NLGN4X: variants seen among roughly 807,000 people sequenced by gnomAD.
NLGN4X encodes neuroligin 4 X-linked.
In NLGN4X, 3 loss-of-function variants were observed where a neutral mutation model predicts 40.3. The ratio of observed to expected loss-of-function variants is 0.07; its 90% CI spans 0.03 to 0.19. The LOEUF is 0.19. Among genes scored for constraint, NLGN4X ranks in the 10% least tolerant of loss-of-function variants. NLGN4X has a pLI of 1.00. For synonymous variants in NLGN4X, 270 were observed against 306.8 expected (o/e 0.88, Z 1.25); for missense variants, 382 against 708.3 (o/e 0.54, Z 5.23).
intron 1 of NLGN4X, among the ~76,000 whole-genome samples, chrX:6,202,036 G>A (rs1465946413): frequency 9.0e-6 from 1 of 111,317 alleles, no homozygotes; most frequent in East Asian, 2.8e-4. Context: ...TCAATTAATA[G>A]GCAGTGAAGG....
At chrX:6,131,604 T>TA (rs1258553361) in intron 2 of NLGN4X, among the ~76,000 whole-genome samples, 2 of 112,381 alleles carry the variant, frequency 1.8e-5, no homozygotes, top group Non-Finnish European at 3.8e-5. Flanking sequence ...CTTTGCTGCT[T>TA]AAAAATGTTC....
intron 2 of NLGN4X, among the ~76,000 whole-genome samples, chrX:6,035,153 T>C (rs997299963): frequency 8.9e-6 from 1 of 112,516 alleles, no homozygotes; most frequent in Non-Finnish European, 1.9e-5. Context: ...TATTGAATAG[T>C]AAGTGGTTTG....
chrX:5,898,663 C>T (rs1032184179), intron 5 of NLGN4X, among the ~76,000 whole-genome samples: 17 of 111,200 alleles, frequency 1.5e-4, no homozygotes, highest in African/African-American at 5.6e-4. Flanking sequence ...TCCACGGCAC[C>T]GTGTAGTGAC....
chrX:6,112,822 G>A (rs1453186742), intron 2 of NLGN4X, among the ~76,000 whole-genome samples: 3 of 110,330 alleles, frequency 2.7e-5, no homozygotes, highest in African/African-American at 9.9e-5. Context: ...TGTGTGTGCA[G>A]GAGGACGAAC....
At chrX:6,091,157 G>T (rs1239692866) in intron 2 of NLGN4X, among the ~76,000 whole-genome samples, 1 of 110,013 alleles carries the variant, frequency 9.1e-6, no homozygotes, top group Non-Finnish European at 1.9e-5. Flanking sequence ...AGGAAAACAG[G>T]CTGGCATGAC....
rs188269008 is a variant in NLGN4X at position 6,214,623 on chromosome X, C to T, written c.-306+13918G>A. On this transcript the variant is annotated intron_variant, in intron 1 of 5. Coordinates refer to ENST00000381095, the MANE Select transcript of NLGN4X (RefSeq NM_181332.3). The stretch of plus-strand genomic sequence containing the variant: ...TTTTGCAGAAAGATAGAGCCAAGTG[C>T]GGTGGCTCGCACCAGTAATCCCAGT... 3.6e-3 allele frequency among the ~76,000 whole-genome samples: 404 copies of T among 111,560 alleles called. 3 individuals carry two copies. The highest frequency in any genetic ancestry group is 0.012 in the African/African-American group (383 of 30,711).
At chrX:5,997,587 T>TATATATATACAC (rs1569177171) in intron 3 of NLGN4X, among the ~76,000 whole-genome samples, 2 of 41,419 alleles carry the variant, frequency 4.8e-5, no homozygotes, top group African/African-American at 2.9e-4. Flanking sequence ...TGTGTGTGTG[T>TATATATATACAC]ATATATATAT....
Position 5,893,291 on chromosome X carries a change from C to G in NLGN4X, c.1977G>C (p.Glu659Asp), listed in dbSNP as rs147713383. ...TGGTTTCAATGAGGACAGTTGTGTC[C>G]TCAGGCCCTGTTTTGTGAGGGTCCT... ...HSKDPHKTGP[E>D]DTTVLIETKR... Residue 659 changes from glutamate (E) to aspartate (D), a missense_variant, in exon 6 of 6, where the codon GAG (glutamate) becomes GAC (aspartate). Around this residue, in one of 5 missense-constraint regions of NLGN4X, gnomAD observed 149 missense variants for 375.8 expected, o/e 0.40. Transcript: ENST00000381095. 48 of 1,208,504 alleles carry G rather than the reference C, an allele frequency of 4.0e-5. No homozygotes were observed. The African/African-American group carries it at 6.7e-4, about 17-fold the overall frequency.
At chrX:6,205,099 T>A (rs1165592508) in intron 1 of NLGN4X, among the ~76,000 whole-genome samples, 1 of 111,895 alleles carries the variant, frequency 8.9e-6, no homozygotes, top group African/African-American at 3.3e-5. Flanking sequence ...CAACCATTTC[T>A]TTCAGTTATT....
At chrX:5,977,833 C>A (rs1004488482) in intron 3 of NLGN4X, among the ~76,000 whole-genome samples, 1 of 111,999 alleles carries the variant, frequency 8.9e-6, no homozygotes, top group Admixed American at 9.5e-5. Flanking sequence ...TTTTCCATGA[C>A]ATTCAACAGA....
intron 3 of NLGN4X, among the ~76,000 whole-genome samples, chrX:5,950,335 G>T (rs888119163): frequency 8.9e-6 from 1 of 112,003 alleles, no homozygotes; most frequent in Non-Finnish European, 1.9e-5. Context: ...TGTCTCTATT[G>T]TCTGCTGACT....
Position 6,223,613 on chromosome X carries a change from C to G in NLGN4X, c.-306+4928G>C, listed in dbSNP as rs138721890. On this transcript the variant is annotated intron_variant, in intron 1 of 5. Coordinates refer to ENST00000381095, the MANE Select transcript of NLGN4X (RefSeq NM_181332.3). Reference sequence around the variant, plus strand: ...GTTCACTTAACAAAGAACAGTGGAGCCTTTCAAAGTCCAAATGTAGGTTGT... The same window carrying G: ...GTTCACTTAACAAAGAACAGTGGAGGCTTTCAAAGTCCAAATGTAGGTTGT... Among the ~76,000 whole-genome samples, 1,057 of 112,033 alleles carry G rather than the reference C, an allele frequency of 9.4e-3. 4 individuals carry two copies. The highest frequency in any genetic ancestry group is 0.015 in the Non-Finnish European group (793 of 53,231).
At chrX:6,218,589 T>C (rs1366470553) in intron 1 of NLGN4X, among the ~76,000 whole-genome samples, 2 of 111,545 alleles carry the variant, frequency 1.8e-5, no homozygotes, top group Non-Finnish European at 3.8e-5. Context: ...GTATGGTTAA[T>C]ATAGGAAAGA....
intron 3 of NLGN4X, among the ~76,000 whole-genome samples, chrX:5,933,693 A>C (rs758353964): frequency 8.9e-6 from 1 of 111,828 alleles, no homozygotes; most frequent in Non-Finnish European, 1.9e-5. Context: ...CAAAATGTAC[A>C]GTTACGCTTA....
chrX:5,912,625 C>A (rs2032534249), intron 3 of NLGN4X, among the ~76,000 whole-genome samples: 1 of 109,829 alleles, frequency 9.1e-6, no homozygotes, highest in East Asian at 2.9e-4. Context: ...TGTGGGCTTA[C>A]TGATACAGAA....
chrX:6,076,737 T>C (rs1204131955), intron 2 of NLGN4X, among the ~76,000 whole-genome samples: 2 of 112,430 alleles, frequency 1.8e-5, no homozygotes, highest in East Asian at 2.8e-4. Flanking sequence ...ACATCTGGCA[T>C]GCTCAACCGC....
chrX:6,014,188 GAA>G (rs140452629), intron 3 of NLGN4X, among the ~76,000 whole-genome samples: 1 of 88,082 alleles, frequency 1.1e-5, no homozygotes. Flanking sequence ...CTCAGAGAGA[GAA>G]AAAAAAAAAA....
At position 5,903,295 on chromosome X, in the gene NLGN4X, C is replaced by T. The variant is rs763976516; in HGVS notation, c.1383G>A (p.Ala461=). 8.3e-6 allele frequency: 10 copies of T among 1,209,888 alleles called. No individual in the cohort carries two copies. The highest frequency in any genetic ancestry group is 7.0e-5 in the South Asian group (4 of 56,775). Residue 461 remains alanine (A), a synonymous_variant, in exon 5 of 6, where the codon GCG becomes GCA. Transcript: ENST00000381095. ...APAVATADLH[A]QYGSPTYFYA... ...AGAAGTAGGTGGGGGAGCCGTACTG[C>T]GCGTGCAGGTCGGCGGTGGCCACGG...
chrX:6,100,298 T>C (rs2038877861), intron 2 of NLGN4X, among the ~76,000 whole-genome samples: 1 of 112,477 alleles, frequency 8.9e-6, no homozygotes, highest in Non-Finnish European at 1.9e-5. Flanking sequence ...CATGTCACAG[T>C]GCTGCAGAGA....
Sources: allele counts gnomAD v4.1 joint callset (sites outside exome capture counted in the v4.1 genomes callset), GRCh38; gene constraint gnomAD v4.1.1; regional missense constraint gnomAD v4.1.1; transcripts MANE v1.5; gene names NCBI Gene and HGNC (gene_info 2026-07-23, HGNC 2026-07-21).